The following FAM241A variants were observed in gnomAD, a reference collection of about 807,000 sequenced individuals.
FAM241A encodes the protein family with sequence similarity 241 member A.
FAM241A carries 7 observed loss-of-function variants against 12.2 expected under a neutral mutation model. That is an observed-to-expected ratio of 0.58 (90% CI 0.33 to 1.08). FAM241A has a LOEUF of 1.08. Ranked by LOEUF, FAM241A falls within the 50% of genes least tolerant of loss-of-function variation. The pLI, the probability that FAM241A is intolerant of heterozygous loss-of-function variation, is 0.04. For missense variants in FAM241A, 161 were observed against 169.7 expected (o/e 0.95, Z 0.29); for synonymous variants, 74 against 68.2 (o/e 1.08, Z -0.42).
Position 112,162,111 on chromosome 4 carries a change from C to G in FAM241A, c.153+16378C>G, listed in dbSNP as rs541807064. ...AAGGCCTTCGACAAAATTCAACAAC[C>G]CTTCATGCTAAAAACTCTTAATAAA... is the stretch of plus-strand genomic sequence containing the variant. On this transcript the variant is annotated intron_variant, in intron 1 of 1. Coordinates refer to ENST00000309733, the MANE Select transcript of FAM241A (RefSeq NM_152400.3). Among the ~76,000 whole-genome samples the G allele has an allele frequency of 2.0e-4, 30 of 152,202 alleles. 1 individual carries two copies. Among genetic ancestry groups the G allele is most frequent in the South Asian group, 8.3e-4 (4 of 4,822 alleles).
chr4:112,145,532 C>A lies in FAM241A; in HGVS notation c.-49C>A. On this transcript the variant is annotated 5_prime_UTR_variant, in exon 1 of 2. Coordinates refer to ENST00000309733, the MANE Select transcript of FAM241A (RefSeq NM_152400.3). ...GGCGGCGGCGCTGCCTGGTGCGTCG[C>A]GGCGTGGTCCTCCGGCGGCTGTCCG... is the stretch of plus-strand genomic sequence containing the variant. 8.2e-7 allele frequency: 1 copy of A among 1,220,008 alleles called. No individual in the cohort carries two copies. The highest frequency in any genetic ancestry group is 1.0e-6 in the Non-Finnish European group (1 of 978,144). The allele number at this position is 1,220,008 out of a possible 1,614,324, so 75.6% of individuals were successfully genotyped here. A position where few individuals can be genotyped will look rare whatever the true frequency, so the allele number is the denominator to read the frequency against.
At chr4:112,149,157 A>G (rs1358939455) in intron 1 of FAM241A, among the ~76,000 whole-genome samples, 2 of 152,106 alleles carry the variant, frequency 1.3e-5, no homozygotes, top group Non-Finnish European at 2.9e-5. Flanking sequence ...TCATTTGTCT[A>G]TGTGTATATG....
At chr4:112,174,393 C>A (rs1002535153) in intron 1 of FAM241A, among the ~76,000 whole-genome samples, 4 of 152,204 alleles carry the variant, frequency 2.6e-5, no homozygotes, top group African/African-American at 9.7e-5. Context: ...GTGACTCACG[C>A]CTGTAATCCC....
At chr4:112,155,015 A>C (rs966724309) in intron 1 of FAM241A, among the ~76,000 whole-genome samples, 1 of 152,106 alleles carries the variant, frequency 6.6e-6, no homozygotes, top group African/African-American at 2.4e-5. Context: ...CCTGGGCGAC[A>C]GAGCAAAACT....
intron 1 of FAM241A, among the ~76,000 whole-genome samples, chr4:112,163,228 C>T (rs1723514886): frequency 6.6e-6 from 1 of 152,156 alleles, no homozygotes; most frequent in African/African-American, 2.4e-5. Context: ...CTAGGTAATA[C>T]CATTCAGAAC....
rs115758711 is a variant in FAM241A, at chr4:112,168,061, A to G, written c.154-18632A>G. ...CAAAACTTGCTGAGAGGAGAGGATC[A>G]TAACTTTGGCATGTAAGCACAAACT... On this transcript the variant is annotated intron_variant, in intron 1 of 1. Transcript: ENST00000309733. Among the ~76,000 whole-genome samples the G allele has an allele frequency of 5.1e-3, 770 of 152,374 alleles. 7 individuals are homozygous for G. Among genetic ancestry groups the G allele is most frequent in the African/African-American group, 0.017 (722 of 41,598 alleles).
chr4:112,160,068 C>T (rs1225373278), intron 1 of FAM241A, among the ~76,000 whole-genome samples: 1 of 152,124 alleles, frequency 6.6e-6, no homozygotes, highest in Non-Finnish European at 1.5e-5. Flanking sequence ...CTGATAAATT[C>T]AATAAAGTTG....
chr4:112,166,377 T>C (rs1723596777), intron 1 of FAM241A, among the ~76,000 whole-genome samples: 1 of 152,156 alleles, frequency 6.6e-6, no homozygotes, highest in Non-Finnish European at 1.5e-5. Flanking sequence ...GTACATTTCT[T>C]AATGAAGATT....
At chr4:112,174,509 G>A (rs1274119657) in intron 1 of FAM241A, among the ~76,000 whole-genome samples, 2 of 152,218 alleles carry the variant, frequency 1.3e-5, no homozygotes, top group Non-Finnish European at 2.9e-5. Context: ...GGCTAAGTTT[G>A]TTGTTGAAAG....
chr4:112,157,024 C>A (rs1723367662), intron 1 of FAM241A, among the ~76,000 whole-genome samples: 1 of 152,068 alleles, frequency 6.6e-6, no homozygotes, highest in East Asian at 1.9e-4. Context: ...GAATAAAATT[C>A]TTATCAGCCA....
intron 1 of FAM241A, among the ~76,000 whole-genome samples, chr4:112,184,494 C>G (rs965959654): frequency 6.6e-6 from 1 of 152,090 alleles, no homozygotes; most frequent in Non-Finnish European, 1.5e-5. Context: ...TGCCATTGCA[C>G]TCCAGCCTGG....
At chr4:112,185,120 A>G (rs1459868876) in intron 1 of FAM241A, among the ~76,000 whole-genome samples, 1 of 152,144 alleles carries the variant, frequency 6.6e-6, no homozygotes, top group Non-Finnish European at 1.5e-5. Context: ...CATCATGTAC[A>G]TACTATGAGC....
chr4:112,153,481 C>T (rs892774601), intron 1 of FAM241A, among the ~76,000 whole-genome samples: 10 of 152,264 alleles, frequency 6.6e-5, no homozygotes, highest in Non-Finnish European at 1.0e-4. Flanking sequence ...CACCTATCTC[C>T]GAAAACCTTG....
chr4:112,184,660 T>C (rs1724005124), intron 1 of FAM241A, among the ~76,000 whole-genome samples: 1 of 152,234 alleles, frequency 6.6e-6, no homozygotes, highest in Admixed American at 6.5e-5. Flanking sequence ...CTCATTACTG[T>C]ACATAAATTA....
At chr4:112,159,148 A>G (rs73843013) in intron 1 of FAM241A, among the ~76,000 whole-genome samples, 1 of 152,310 alleles carries the variant, frequency 6.6e-6, no homozygotes, top group African/African-American at 2.4e-5. Flanking sequence ...TAGTTGAGCA[A>G]AGACCCAAAG....
At chr4:112,179,811 CAA>C (rs1479673368) in intron 1 of FAM241A, among the ~76,000 whole-genome samples, 3 of 148,412 alleles carry the variant, frequency 2.0e-5, no homozygotes, top group Non-Finnish European at 4.5e-5. Flanking sequence ...ATCGTTTTAC[CAA>C]AAGACTCATG....
chr4:112,189,889 C>T lies in FAM241A; in HGVS notation c.*2951C>T, dbSNP rs1191727702. The T allele has an allele frequency of 6.7e-6, 1 of 149,184 alleles. No homozygotes were observed. The highest frequency in any genetic ancestry group is 2.5e-5 in the African/African-American group (1 of 40,314). The allele number at this position is 149,184 out of a possible 1,614,324, so 9.2% of individuals were successfully genotyped here. A position where few individuals can be genotyped will look rare whatever the true frequency, so the allele number is the denominator to read the frequency against. ...CCTTGAAAGCCAGCTGTTAAACATA[C>T]ATCAGCACACCCTAGAGGCCACATT... On this transcript the variant is annotated 3_prime_UTR_variant, in exon 2 of 2. Coordinates refer to ENST00000309733, the MANE Select transcript of FAM241A (RefSeq NM_152400.3).
chr4:112,183,471 ACCT>A (rs1466430383), intron 1 of FAM241A, among the ~76,000 whole-genome samples: 1 of 151,460 alleles, frequency 6.6e-6, no homozygotes, highest in Non-Finnish European at 1.5e-5. Context: ...GTGTTGCAAC[ACCT>A]CCTTCTTCCC....
intron 1 of FAM241A, among the ~76,000 whole-genome samples, chr4:112,176,027 A>G (rs959146303): frequency 2.6e-5 from 4 of 152,170 alleles, no homozygotes; most frequent in African/African-American, 9.7e-5. Flanking sequence ...TAAATCGTCA[A>G]CTCACTCAGC....
Sources: gnomAD v4.1 joint callset for allele counts (sites outside exome capture counted in the v4.1 genomes callset) on GRCh38, gnomAD v4.1.1 for gene constraint, MANE v1.5 for transcripts, NCBI Gene and HGNC (gene_info 2026-07-23, HGNC 2026-07-21) for gene names.